Variants in ADGRL2 observed in about 807,000 individuals in gnomAD.
The protein encoded by ADGRL2 is adhesion G protein-coupled receptor L2.
In ADGRL2, 44 loss-of-function variants were observed where a neutral mutation model predicts 157.4. The observed-to-expected ratio is 0.28, with a 90% CI of 0.22 to 0.36. ADGRL2 has a LOEUF of 0.36. ADGRL2 is among the 10% of genes least tolerant of loss of function. The pLI, the probability that ADGRL2 is intolerant of heterozygous loss-of-function variation, is 1.00. For synonymous variants in ADGRL2, 585 were observed against 624.7 expected (o/e 0.94, Z 0.95); for missense variants, 1,510 against 1,768.9 (o/e 0.85, Z 2.63).
intron 1 of ADGRL2, among the ~76,000 whole-genome samples, chr1:81,801,817 A>G (rs571001280): frequency 6.6e-6 from 1 of 152,222 alleles, no homozygotes; most frequent in African/African-American, 2.4e-5. Context: ...GGGACTCCCA[A>G]GTCTGCGCAC....
chr1:81,686,652 C>T (rs546098), intron 3 of ADGRL2, among the ~76,000 whole-genome samples: 115,454 of 152,068 alleles, frequency 0.76, 44,322 homozygotes, highest in African/African-American at 0.82. Flanking sequence ...GCTCTGATCT[C>T]GGTTATTTCC....
At chr1:81,725,343 G>T (rs2084485914) in intron 1 of ADGRL2, among the ~76,000 whole-genome samples, 1 of 151,732 alleles carries the variant, frequency 6.6e-6, no homozygotes, top group Admixed American at 6.6e-5. Flanking sequence ...TTTGAGACCA[G>T]TCTGGCCAAC....
At chr1:81,430,977 T>C (rs2077309387) in intron 1 of ADGRL2, among the ~76,000 whole-genome samples, 1 of 152,236 alleles carries the variant, frequency 6.6e-6, no homozygotes, top group South Asian at 2.1e-4. Context: ...GTTTGGCTTA[T>C]TTTATTTTAC....
At chr1:81,322,997 A>G (rs1276782883) in intron 1 of ADGRL2, among the ~76,000 whole-genome samples, 2 of 152,032 alleles carry the variant, frequency 1.3e-5, no homozygotes, top group Admixed American at 1.3e-4. Context: ...AGTTGGGACT[A>G]CATGTGTGTG....
chr1:81,802,414 C>A (rs368754014), intron 1 of ADGRL2, among the ~76,000 whole-genome samples: 1 of 152,064 alleles, frequency 6.6e-6, no homozygotes, highest in African/African-American at 2.4e-5. Context: ...GCTCCCTCCC[C>A]CCAATCTCCT....
chr1:81,503,072 A>T, intron 2 of ADGRL2: 6 of 1,608,854 alleles, frequency 3.7e-6, no homozygotes, highest in Non-Finnish European at 5.1e-6. Flanking sequence ...GAGCGGCTGG[A>T]GTCAGGGGAG....
chr1:81,439,840 T>C lies in ADGRL2; in HGVS notation c.-301-5196T>C, dbSNP rs569437139. 9.8e-5 allele frequency among the ~76,000 whole-genome samples: 15 copies of C among 152,338 alleles called. No homozygotes were observed. The East Asian group carries it at 2.7e-3, about 27-fold the overall frequency. ...AGCCTTTCTTGCTACCTGCACTCAG[T>C]GGGTCCCGAGCTATTGTCCAGTGTC... On this transcript the variant is annotated intron_variant, in intron 1 of 24. Transcript: ENST00000370721.
intron 2 of ADGRL2, among the ~76,000 whole-genome samples, chr1:81,555,481 C>T (rs2080252802): frequency 6.6e-6 from 1 of 152,008 alleles, no homozygotes; most frequent in Non-Finnish European, 1.5e-5. Context: ...ATTGGCCAGT[C>T]TGGTCTCAAA....
intron 1 of ADGRL2, among the ~76,000 whole-genome samples, chr1:81,398,837 C>T (rs1183935541): frequency 4.6e-5 from 7 of 152,030 alleles, no homozygotes; most frequent in East Asian, 1.9e-4. Flanking sequence ...AAATTCTCTC[C>T]TTGTCTTTTA....
At chr1:81,640,632 AAAATAAAT>A (rs3045494) in intron 3 of ADGRL2, among the ~76,000 whole-genome samples, 241 of 139,646 alleles carry the variant, frequency 1.7e-3, no homozygotes, top group African/African-American at 4.0e-3. Context: ...CTCCATCTCA[AAAATAAAT>A]AAATAAATAA....
chr1:81,531,726 C>A (rs780904586), intron 2 of ADGRL2, among the ~76,000 whole-genome samples: 4 of 152,112 alleles, frequency 2.6e-5, no homozygotes, highest in Non-Finnish European at 5.9e-5. Flanking sequence ...TGCCTAGTGG[C>A]ATTCTTGATT....
intron 2 of ADGRL2, among the ~76,000 whole-genome samples, chr1:81,576,868 C>T (rs1298413456): frequency 1.3e-5 from 2 of 152,094 alleles, no homozygotes; most frequent in Non-Finnish European, 2.9e-5. Context: ...TCTTTAACTT[C>T]CAGTACTTTC....
At chr1:81,912,149 G>A (rs1176716933) in intron 3 of ADGRL2, among the ~76,000 whole-genome samples, 3 of 151,538 alleles carry the variant, frequency 2.0e-5, no homozygotes, top group African/African-American at 7.3e-5. Context: ...TCTGCTCACT[G>A]GAGCCTCTGC....
intron 3 of ADGRL2, among the ~76,000 whole-genome samples, chr1:81,640,911 TA>T (rs1398809739): frequency 6.6e-6 from 1 of 152,160 alleles, no homozygotes; most frequent in Non-Finnish European, 1.5e-5. Flanking sequence ...AACAGTAGCC[TA>T]AAAGGAAGTA....
At chr1:81,460,608 G>A (rs755708720) in intron 2 of ADGRL2, among the ~76,000 whole-genome samples, 5 of 152,006 alleles carry the variant, frequency 3.3e-5, no homozygotes, top group South Asian at 2.1e-4. Context: ...TCAGAATCTC[G>A]GGCAGCATGG....
chr1:81,357,039 T>C (rs367808778), intron 1 of ADGRL2, among the ~76,000 whole-genome samples: 6 of 151,330 alleles, frequency 4.0e-5, no homozygotes, highest in African/African-American at 1.5e-4. Context: ...TACTAGGTAC[T>C]TAAAGCTCAT....
intron 2 of ADGRL2, among the ~76,000 whole-genome samples, chr1:81,887,366 T>G (rs1204668226): frequency 6.6e-6 from 1 of 152,242 alleles, no homozygotes; most frequent in Non-Finnish European, 1.5e-5. Flanking sequence ...ACTAGAGCAG[T>G]GCTTTTCAAA....
At chr1:81,806,737 ATC>A (rs892834590) in intron 1 of ADGRL2, among the ~76,000 whole-genome samples, 4 of 152,058 alleles carry the variant, frequency 2.6e-5, no homozygotes, top group Admixed American at 2.6e-4. Flanking sequence ...CCTAAAAGAA[ATC>A]TGTTTTCATT....
intron 4 of ADGRL2, among the ~76,000 whole-genome samples, chr1:81,941,282 A>G (rs911962293): frequency 6.6e-6 from 1 of 151,556 alleles, no homozygotes; most frequent in Non-Finnish European, 1.5e-5. Context: ...CTAAGTAAAT[A>G]TACTAATTCT....
Sources: allele counts gnomAD v4.1 joint callset (sites outside exome capture counted in the v4.1 genomes callset), GRCh38; gene constraint gnomAD v4.1.1; transcripts MANE v1.5; gene names NCBI Gene and HGNC (gene_info 2026-07-23, HGNC 2026-07-21).